The following USP3 variants were observed in gnomAD, a reference collection of about 807,000 sequenced individuals.
USP3 encodes ubiquitin carboxyl-terminal hydrolase 3.
USP3 carries 20 observed loss-of-function variants against 72.3 expected under a neutral mutation model. The ratio of observed to expected loss-of-function variants is 0.28; its 90% CI spans 0.19 to 0.40. USP3 has a LOEUF of 0.40. USP3 is among the 10% of genes least tolerant of loss of function. USP3 has a pLI of 1.00. For synonymous variants in USP3, 222 were observed against 225.3 expected, an observed-to-expected ratio of 0.99 and a Z score of 0.13; for missense variants, 479 against 633.9, an observed-to-expected ratio of 0.76 and a Z score of 2.62.
At chr15:63,583,961 A>G (rs1259981354) in intron 11 of USP3, among the ~76,000 whole-genome samples, 2 of 152,076 alleles carry the variant, frequency 1.3e-5, no homozygotes, top group Non-Finnish European at 2.9e-5. Flanking sequence ...TCCTGCTTCC[A>G]GTTCTTTTGG....
Position 63,588,132 on chromosome 15 carries a change from G to T in USP3, c.1097-173G>T. On this transcript the variant is annotated intron_variant, in intron 11 of 14. Coordinates refer to ENST00000380324, the MANE Select transcript of USP3 (RefSeq NM_006537.4). This position sits in a 1 kb window ranked among gnomAD's most constrained non-coding sequence, Gnocchi z 4.6. The stretch of plus-strand genomic sequence containing the variant: ...CACATTATTTCTCTTCCTTATAATA[G>T]TTCTTCAAAGTAGGTATTATTTTTT... 1.9e-6 allele frequency: 1 copy of T among 513,456 alleles called. No individual in the cohort carries two copies. The highest frequency in any genetic ancestry group is 3.2e-5 in the East Asian group (1 of 31,494). 31.8% of individuals were successfully genotyped at this position (513,456 alleles called of 1,614,324 possible).
In USP3 at chr15:63,529,275, AC is replaced by A. The variant is rs1215259293; in HGVS notation, c.92-3371del. The A allele has an allele frequency of 2.6e-6, 1 of 378,152 alleles. No individual in the cohort carries two copies. The highest frequency in any genetic ancestry group is 2.2e-5 in the African/African-American group (1 of 46,406). 23.4% of individuals were successfully genotyped at this position (378,152 alleles called of 1,614,324 possible). On this transcript the variant is annotated intron_variant, in intron 1 of 14. Coordinates refer to ENST00000380324, the MANE Select transcript of USP3 (RefSeq NM_006537.4). This position sits in a 1 kb window ranked among gnomAD's most constrained non-coding sequence, Gnocchi z 4.2. ...GGAAGTCAGTACTTTATTCCCTTTT[AC>A]TTTCTCTCCTTATCATTACGTATCT...
rs536940972 is a variant in USP3 at position 63,552,162 on chromosome 15, T to G, written c.285-1553T>G. Among the ~76,000 whole-genome samples, 4 of 152,304 alleles carry G rather than the reference T, an allele frequency of 2.6e-5. No homozygotes were observed. In the South Asian group the frequency reaches 8.3e-4, roughly 32 times the overall value. Reference sequence around the variant, plus strand: ...AGATAAATGCTAGCATTTCGAGTTTTGGACACTGAGGATTGTTTTATTCAA... The same window carrying G: ...AGATAAATGCTAGCATTTCGAGTTTGGGACACTGAGGATTGTTTTATTCAA... On this transcript the variant is annotated intron_variant, in intron 3 of 14. Coordinates refer to ENST00000380324, the MANE Select transcript of USP3 (RefSeq NM_006537.4).
At chr15:63,555,731 A>C (rs556069064) in intron 4 of USP3, among the ~76,000 whole-genome samples, 3 of 152,226 alleles carry the variant, frequency 2.0e-5, no homozygotes, top group Non-Finnish European at 4.4e-5. Context: ...TAGAGTATGG[A>C]ATTGGTCTCT....
intron 1 of USP3, among the ~76,000 whole-genome samples, chr15:63,511,504 G>GAT (rs1165837933): frequency 6.6e-6 from 1 of 152,136 alleles, no homozygotes; most frequent in Non-Finnish European, 1.5e-5. Flanking sequence ...AGGAATTGGT[G>GAT]ATATAGTTTG....
At position 63,529,508 on chromosome 15, in the gene USP3, G is replaced by T. The variant is rs2066036180; in HGVS notation, c.92-3139G>T. Among the ~76,000 whole-genome samples, 1 of 151,824 alleles carries T rather than the reference G, an allele frequency of 6.6e-6. No individual in the cohort carries two copies. The highest frequency in any genetic ancestry group is 2.4e-5 in the African/African-American group (1 of 41,312). On this transcript the variant is annotated intron_variant, in intron 1 of 14. Transcript: ENST00000380324. This position sits in a 1 kb window ranked among gnomAD's most constrained non-coding sequence, Gnocchi z 4.2. ...ACCCCCTCAGTCTTAGAGTTTTTTG[G>T]TTTTTTAAAATGTGTTATTGAATTG...
rs1395585221 is a variant in USP3 at position 63,543,089 on chromosome 15, CA to C, written c.284+5938del. 1.3e-5 allele frequency among the ~76,000 whole-genome samples: 2 copies of C among 151,996 alleles called. 1 individual carries two copies. Among genetic ancestry groups the C allele is most frequent in the Admixed American group, 1.3e-4 (2 of 15,262 alleles). On this transcript the variant is annotated intron_variant, in intron 3 of 14. Transcript: ENST00000380324. Reference sequence around the variant, plus strand: ...TCAGTTGAAAATGGAAATGACCAAGCAAAAATATTCAACAGAATGACAAAAC... The same window carrying C: ...TCAGTTGAAAATGGAAATGACCAAGCAAAATATTCAACAGAATGACAAAAC...
In USP3 at chr15:63,532,648, G is replaced by A; in HGVS notation, c.93G>A (p.Val31=). ...NGSPSSWCCS[V]CRSNKSPWVC... is the part of the protein sequence containing the mutation. Reference sequence around the variant, plus strand: ...ATTGTGTATTTTTCTTTTTATTAGTGTGCCGGTCCAACAAAAGCCCTTGGG... The same window carrying A: ...ATTGTGTATTTTTCTTTTTATTAGTATGCCGGTCCAACAAAAGCCCTTGGG... The change falls in exon 2 of 15, where the codon GTG becomes GTA. Residue 31 remains valine, a splice_region_variant and synonymous_variant. Transcript: ENST00000380324. 6.2e-7 allele frequency: 1 copy of A among 1,613,972 alleles called. No individual in the cohort carries two copies. The highest frequency in any genetic ancestry group is 8.5e-7 in the Non-Finnish European group (1 of 1,179,906).
chr15:63,538,168 A>G (rs2066187843), intron 3 of USP3, among the ~76,000 whole-genome samples: 1 of 152,186 alleles, frequency 6.6e-6, no homozygotes, highest in African/African-American at 2.4e-5. Context: ...CCATTTGGTT[A>G]TGCTCAGAAA....
chr15:63,563,359 C>T (rs2066637896), intron 8 of USP3, among the ~76,000 whole-genome samples: 1 of 152,018 alleles, frequency 6.6e-6, no homozygotes, highest in Non-Finnish European at 1.5e-5. Context: ...CTTGTTATTC[C>T]AGCTAAAAAA....
chr15:63,512,326 T>C (rs1037518749), intron 1 of USP3, among the ~76,000 whole-genome samples: 27 of 121,424 alleles, frequency 2.2e-4, no homozygotes, highest in African/African-American at 8.0e-4. Context: ...CTTCCTCTTC[T>C]TCCTCTTCCT....
intron 1 of USP3, among the ~76,000 whole-genome samples, chr15:63,520,074 C>T (rs1476434593): frequency 6.6e-6 from 1 of 152,082 alleles, no homozygotes; most frequent in Admixed American, 6.5e-5. Context: ...AGCCCTCATT[C>T]TTTTTGGCTG....
rs192860675 is a variant in USP3, at chr15:63,564,327, G to T, written c.761+1319G>T. Among the ~76,000 whole-genome samples, 677 of 149,790 alleles carry T rather than the reference G, an allele frequency of 4.5e-3. 8 individuals carry two copies. The highest frequency in any genetic ancestry group is 0.017 in the African/African-American group (648 of 39,186). ...CTGAGACAGAGAGGAGAAGCGACTT[G>T]TTTAAGTTTATACATCTCGTGGGGT... On this transcript the variant is annotated intron_variant, in intron 8 of 14. Coordinates refer to ENST00000380324, the MANE Select transcript of USP3 (RefSeq NM_006537.4).
chr15:63,542,807 C>T (rs2066263782), intron 3 of USP3, among the ~76,000 whole-genome samples: 1 of 152,132 alleles, frequency 6.6e-6, no homozygotes, highest in Admixed American at 6.5e-5. Context: ...TCATCATTTA[C>T]ATGATTGTCA....
At chr15:63,511,263 T>C (rs1292376858) in intron 1 of USP3, among the ~76,000 whole-genome samples, 1 of 870 alleles carries the variant, frequency 1.1e-3, no homozygotes, top group East Asian at 0.5. Flanking sequence ...GCTTGCTTTT[T>C]CTTAAAAAAA....
chr15:63,517,765 C>G (rs2065871262), intron 1 of USP3, among the ~76,000 whole-genome samples: 1 of 152,188 alleles, frequency 6.6e-6, no homozygotes, highest in South Asian at 2.1e-4. Context: ...TCAGTCCTGT[C>G]CTTACCTGCT....
chr15:63,583,213 C>A (rs1024693980), intron 11 of USP3, among the ~76,000 whole-genome samples: 6 of 152,138 alleles, frequency 3.9e-5, no homozygotes, highest in Non-Finnish European at 2.9e-5. Context: ...GAATCATAAA[C>A]CATCTGGCTA....
At chr15:63,514,477 T>C (rs1248413155) in intron 1 of USP3, among the ~76,000 whole-genome samples, 1 of 152,184 alleles carries the variant, frequency 6.6e-6, no homozygotes, top group Non-Finnish European at 1.5e-5. Context: ...TTGTATTTCT[T>C]TTTTCTATTT....
At chr15:63,533,073 A>G (rs1191371053) in intron 2 of USP3, among the ~76,000 whole-genome samples, 1 of 152,150 alleles carries the variant, frequency 6.6e-6, no homozygotes, top group Non-Finnish European at 1.5e-5. Flanking sequence ...TAGAGATGGT[A>G]TAATTGAACC....
Sources: gnomAD v4.1 joint callset for allele counts (sites outside exome capture counted in the v4.1 genomes callset) on GRCh38, gnomAD v4.1.1 for gene constraint, Gnocchi (gnomAD v3.1) non-coding constraint, MANE v1.5 for transcripts, NCBI Gene and HGNC (gene_info 2026-07-23, HGNC 2026-07-21) for gene names.